The following INTS1 variants were observed in gnomAD, a reference collection of about 807,000 sequenced individuals.
INTS1 encodes the protein integrator complex subunit 1.
A neutral mutation model predicts 241.6 loss-of-function variants in INTS1; 137 were observed. The ratio of observed to expected loss-of-function variants is 0.57; its 90% confidence interval spans 0.49 to 0.65. The LOEUF is 0.65. INTS1 is among the 30% of genes least tolerant of loss of function. The pLI is 0.00. For synonymous variants in INTS1, 1,692 were observed against 1,337.8 expected (o/e 1.26, Z -5.78); for missense variants, 3,073 against 3,032.2 (o/e 1.01, Z -0.32).
At chr7:1,476,711 A>G in intron 36 of INTS1, 54 bp from the exon 37 acceptor site, 1 of 1,612,216 alleles carries the variant, frequency 6.2e-7, no homozygotes. Context: ...AGCATGGGAG[A>G]TACCAGTCAG....
rs1278860877 is a variant in INTS1, at chr7:1,472,846, G to A, written c.6070+226C>T. ...GGGGGGGTGGGGAGGGCCATTTGCC[G>A]GGGCGGGGCGATGTGCCGGGGGGCA... On this transcript the variant is annotated intron_variant, in intron 43 of 47. Transcript: ENST00000404767. 4.9e-5 allele frequency among the ~76,000 whole-genome samples: 7 copies of A among 143,884 alleles called. No individual in the cohort carries two copies. The South Asian group carries it at 6.5e-4, about 13-fold the overall frequency. The allele number at this position is 143,884 out of a possible 152,430, so 94.4% of individuals were successfully genotyped here.
intron 24 of INTS1, 71 bp downstream of exon 24, chr7:1,485,002 ACTGCCGGCTGGCCCCGTCCCCTCCC>A: frequency 2.8e-6 from 1 of 361,842 alleles, no homozygotes; most frequent in African/African-American, 2.5e-5. Context: ...CCAGGGCCAC[ACTGCCGGCTGGCCCCGTCCCCTCCC>A]CAGGGCCACA....
At chr7:1,474,969 C>T (rs552060777) in intron 39 of INTS1, 131 bp from the exon 40 acceptor site, 220 of 1,240,674 alleles carry the variant, frequency 1.8e-4, no homozygotes, top group Non-Finnish European at 2.2e-4. Context: ...TGGCTCCTTA[C>T]GGCTTCCATG....
At position 1,473,480 on chromosome 7, in the gene INTS1, G is replaced by A. The variant is rs193247999; in HGVS notation, c.5957+86C>T. ...GCCTCAGGAGCAGCATATCTGACAC[G>A]ACACGGCCTTCCCAGGAACACCCTC... On this transcript the variant is annotated intron_variant, in intron 42 of 47. Coordinates refer to ENST00000404767, the MANE Select transcript of INTS1 (RefSeq NM_001080453.3). 8.8e-5 allele frequency: 130 copies of A among 1,474,528 alleles called. No individual in the cohort carries two copies. In the East Asian group the frequency reaches 9.1e-4, roughly 10 times the overall value. 91.3% of individuals were successfully genotyped at this position (1,474,528 alleles called of 1,614,324 possible).
Position 1,478,789 on chromosome 7 carries a change from G to T in INTS1, c.4426C>A (p.Pro1476Thr). 6.2e-7 allele frequency: 1 copy of T among 1,605,080 alleles called. No homozygotes were observed. Residue 1476 changes from proline (P) to threonine (T), a missense_variant, in exon 32 of 48, where the codon CCC becomes ACC. Coordinates refer to ENST00000404767, the MANE Select transcript of INTS1 (RefSeq NM_001080453.3). ...WLDSPGVEGG[P>T]LRAQLRMLAS... ...AGCATCCTGAGCTGTGCCCGCAGGG[G>T]CCCGCCCTCCACGCCAGGGCTGTCC...
Position 1,497,421 on chromosome 7 carries a change from G to T in INTS1, c.1426-107C>A. 8.3e-7 allele frequency: 1 copy of T among 1,208,538 alleles called. No individual in the cohort carries two copies. 74.9% of individuals were successfully genotyped at this position (1,208,538 alleles called of 1,614,324 possible). A position where few individuals can be genotyped will look rare whatever the true frequency, so the allele number is the denominator to read the frequency against. ...ATGGCGCCCGAGGGCGCTGCAGTGG[G>T]TCTCAGACAGTGTGGGGTGCGGGGT... On this transcript the variant is annotated intron_variant, in intron 10 of 47. Transcript: ENST00000404767. This position sits in a 1 kb window ranked among gnomAD's most constrained non-coding sequence, Gnocchi z 5.3.
At position 1,487,953 on chromosome 7, in the gene INTS1, A is replaced by G; in HGVS notation, c.2323T>C (p.Tyr775His). Residue 775 changes from tyrosine (Y) to histidine (H), a missense_variant, in exon 19 of 48, where the codon TAC becomes CAC. Transcript: ENST00000404767. Reference protein sequence around the residue: ...MLMEMVMTNNYSYPPCTLTDE... With the variant: ...MLMEMVMTNNHSYPPCTLTDE... The stretch of plus-strand genomic sequence containing the variant: ...GTCAGGGTGCACGGTGGGTAGGAGT[A>G]GTTGCTAGGGCCAGACGGGGGAGCG... The G allele has an allele frequency of 1.2e-6, 2 of 1,613,108 alleles. No individual in the cohort carries two copies. Among genetic ancestry groups the G allele is most frequent in the Non-Finnish European group, 1.7e-6 (2 of 1,179,780 alleles).
In INTS1 at chr7:1,470,926, A is replaced by G; in HGVS notation, c.6377T>C (p.Met2126Thr). 4 of 1,580,284 alleles carry G rather than the reference A, an allele frequency of 2.5e-6. No individual in the cohort carries two copies. The highest frequency in any genetic ancestry group is 1.8e-5 in the Admixed American group (1 of 54,940). ...SIAAAFLPTF[M>T]YCLGSQDFEV... ...AAAGTCCTGGCTGCCCAGGCAGTAC[A>G]TGAACGTGGGCAGGAAAGCGGCTGC... The change falls in exon 47 of 48, where the codon ATG becomes ACG. Residue 2126 changes from methionine (M) to threonine (T), a missense_variant. Coordinates refer to ENST00000404767, the MANE Select transcript of INTS1 (RefSeq NM_001080453.3).
intron 16 of INTS1, among the ~76,000 whole-genome samples, chr7:1,492,048 G>A (rs919137671): frequency 1.3e-5 from 2 of 152,190 alleles, no homozygotes; most frequent in South Asian, 2.1e-4. Flanking sequence ...GGACGCAAGC[G>A]GGAACTCAAG....
intron 4 of INTS1, 21 bp from the exon 5 acceptor site, chr7:1,500,042 C>T: frequency 6.2e-7 from 1 of 1,610,564 alleles, no homozygotes; most frequent in Admixed American, 1.7e-5. Context: ...GGGCGCATGT[C>T]ACGTGGGAGC....
chr7:1,480,769 G>T lies in INTS1; in HGVS notation c.3949+66C>A, dbSNP rs1781954201. 3.1e-6 allele frequency: 4 copies of T among 1,302,092 alleles called. No homozygotes were observed. In the Admixed American group the frequency reaches 8.1e-5, roughly 26 times the overall value. The allele number at this position is 1,302,092 out of a possible 1,614,324, so 80.7% of individuals were successfully genotyped here. A position where few individuals can be genotyped will look rare whatever the true frequency, so the allele number is the denominator to read the frequency against. ...GGCCCCGTCCCCCTCCCCAGGCTGG[G>T]TCTCTGTGTTGGCCCCACCCCTCCC... On this transcript the variant is annotated intron_variant, in intron 29 of 47. Transcript: ENST00000404767.
chr7:1,503,860 C>T (rs1783326773), intron 2 of INTS1, 43 bp downstream of exon 2: 1 of 1,463,486 alleles, frequency 6.8e-7, no homozygotes, highest in Non-Finnish European at 9.3e-7. Context: ...CCCCCAAAGA[C>T]CCCCAAAGAC....
rs1386934793 is a variant in INTS1, at chr7:1,479,519, T to C, written c.4240A>G (p.Ser1414Gly). 1 of 1,567,572 alleles carries C rather than the reference T, an allele frequency of 6.4e-7. No individual in the cohort carries two copies. The highest frequency in any genetic ancestry group is 1.9e-5 in the Admixed American group (1 of 53,742). Residue 1414 changes from serine (S) to glycine (G), a missense_variant, in exon 31 of 48, where the codon AGC becomes GGC. Ser to Gly is a moderately conservative substitution (Grantham distance 56, BLOSUM62 0). Coordinates refer to ENST00000404767, the MANE Select transcript of INTS1 (RefSeq NM_001080453.3). ...RVLQALATLL[S>G]SPHGGALVMS... ...ACCAGGGCACCGCCGTGTGGGGAGC[T>C]GAGCAGGGTGGCGAGGGCCTGCAGG...
At position 1,499,528 on chromosome 7, in the gene INTS1, G is replaced by C. The variant is rs772187938; in HGVS notation, c.789C>G (p.Pro263=). 2.5e-6 allele frequency: 4 copies of C among 1,612,640 alleles called. No individual in the cohort carries two copies. The East Asian group carries it at 6.7e-5, about 27-fold the overall frequency. ...CCTCCCCCTGCAGCAGCACGCTCCT[G>C]GGGGGCATTCTGGTGTTGAAGGCCG... is the stretch of plus-strand genomic sequence containing the variant. ...IQTAFNTRMP[P]RSVLLQGEAG... is the part of the protein sequence containing the mutation. The change falls in exon 6 of 48, where the codon CCC becomes CCG. Residue 263 remains proline (P), a synonymous_variant. Transcript: ENST00000404767.
chr7:1,502,827 G>A (rs1165465532), intron 3 of INTS1, 74 bp downstream of exon 3: 15 of 1,526,354 alleles, frequency 9.8e-6, no homozygotes, highest in African/African-American at 2.7e-5. Flanking sequence ...AGGCCTGGAG[G>A]GGGCCTTCCC....
chr7:1,492,020 G>A (rs1415939024), intron 16 of INTS1, among the ~76,000 whole-genome samples: 6 of 152,350 alleles, frequency 3.9e-5, no homozygotes, highest in South Asian at 4.1e-4. Flanking sequence ...ACTAGGAACC[G>A]TCACTCAGCG....
intron 43 of INTS1, 60 bp from the exon 44 acceptor site, chr7:1,472,446 C>A: frequency 8.1e-7 from 1 of 1,229,920 alleles, no homozygotes; most frequent in Non-Finnish European, 1.1e-6. Flanking sequence ...CACACTGAGG[C>A]ACCAGGACCT....
chr7:1,495,278 T>G (rs1307402468), intron 13 of INTS1, among the ~76,000 whole-genome samples, 155 bp downstream of exon 13: 1 of 148,866 alleles, frequency 6.7e-6, no homozygotes, highest in Non-Finnish European at 1.5e-5. Context: ...TGTGGGGGCC[T>G]GGCTTGTCCC....
At chr7:1,501,286 A>G (rs1022074859) in intron 3 of INTS1, 2 of 103,070 alleles carry the variant, frequency 1.9e-5, no homozygotes, top group African/African-American at 1.1e-4. Context: ...CTCTGTCTCA[A>G]AAAAAAATAA....
Sources: allele counts gnomAD v4.1 joint callset (sites outside exome capture counted in the v4.1 genomes callset), GRCh38; gene constraint gnomAD v4.1.1; non-coding constraint Gnocchi (gnomAD v3.1); transcripts MANE v1.5; gene names NCBI Gene and HGNC (gene_info 2026-07-23, HGNC 2026-07-21).